Variants in CRISPLD2 observed in about 807,000 individuals in gnomAD.
The protein encoded by CRISPLD2 is cysteine-rich secretory protein LCCL domain-containing 2.
Under a neutral mutation model 71.1 loss-of-function variants are expected in CRISPLD2, and 47 were observed. The ratio of observed to expected loss-of-function variants is 0.66; its 90% CI spans 0.52 to 0.84. The LOEUF (loss-of-function observed/expected upper bound fraction) is 0.84. Among genes scored for constraint, CRISPLD2 ranks in the 40% least tolerant of loss-of-function variants. CRISPLD2 has a pLI of 0.00. For missense variants in CRISPLD2, 830 were observed against 651.1 expected, an observed-to-expected ratio of 1.27 and a Z score of -2.99; for synonymous variants, 317 against 250.1, an observed-to-expected ratio of 1.27 and a Z score of -2.52.
intron 5 of CRISPLD2, among the ~76,000 whole-genome samples, chr16:84,854,321 C>T (rs1917172619): frequency 6.6e-6 from 1 of 152,118 alleles, no homozygotes; most frequent in Admixed American, 6.5e-5. Flanking sequence ...GAAACGCAAG[C>T]CGTCTCTGGG....
In CRISPLD2 at chr16:84,901,793, T is replaced by G. The variant is rs1295132253; in HGVS notation, c.1440-4795T>G. On this transcript the variant is annotated intron_variant, in intron 14 of 14. Transcript: ENST00000262424. ...GCACCTGGCACTGGTTGCACTTTTT[T>G]TTTTTTTTTTTTTTTTTTGATGCAG... 3.0e-5 allele frequency among the ~76,000 whole-genome samples: 4 copies of G among 134,644 alleles called. No homozygotes were observed. The East Asian group carries it at 8.8e-4, about 30-fold the overall frequency. 88.3% of individuals were successfully genotyped at this position (134,644 alleles called of 152,430 possible). A position where few individuals can be genotyped will look rare whatever the true frequency, so the allele number is the denominator to read the frequency against.
intron 3 of CRISPLD2, 84 bp downstream of exon 3, chr16:84,845,988 T>A: frequency 1.2e-6 from 1 of 845,288 alleles, no homozygotes. Context: ...TTATCAAGTT[T>A]AGCCTGCAAA....
Position 84,854,855 on chromosome 16 carries a change from T to A in CRISPLD2, c.709+26T>A, listed in dbSNP as rs193254896. ...GTAGGAAATTTACTCCCAACACTTTTGCAATGAATTTGCCCTCAGTCTGAG... is the reference window on the plus strand; with the variant it reads ...GTAGGAAATTTACTCCCAACACTTTAGCAATGAATTTGCCCTCAGTCTGAG... On this transcript the variant is annotated intron_variant, in intron 6 of 14. Coordinates refer to ENST00000262424, the MANE Select transcript of CRISPLD2 (RefSeq NM_031476.4). The A allele has an allele frequency of 2.2e-5, 34 of 1,566,530 alleles. No homozygotes were observed. In the East Asian group the frequency reaches 7.6e-4, roughly 35 times the overall value.
intron 11 of CRISPLD2, among the ~76,000 whole-genome samples, chr16:84,874,232 A>G (rs756144601): frequency 2.6e-5 from 4 of 152,194 alleles, no homozygotes; most frequent in African/African-American, 9.7e-5. Context: ...CTGGGGCTAA[A>G]GTGGCTGAGA....
chr16:84,833,258 A>T (rs905243367), intron 1 of CRISPLD2, among the ~76,000 whole-genome samples: 1 of 152,054 alleles, frequency 6.6e-6, no homozygotes, highest in African/African-American at 2.4e-5. Context: ...CTGGGACCTG[A>T]AAGCTCTGTC....
At chr16:84,875,288 A>G (rs1373125912) in intron 11 of CRISPLD2, among the ~76,000 whole-genome samples, 1 of 145,666 alleles carries the variant, frequency 6.9e-6, no homozygotes, top group Non-Finnish European at 1.5e-5. Flanking sequence ...TGTCAGGAAT[A>G]TATTTCTGTG....
chr16:84,893,907 C>T (rs940499554), intron 14 of CRISPLD2, among the ~76,000 whole-genome samples: 3 of 152,142 alleles, frequency 2.0e-5, no homozygotes, highest in Non-Finnish European at 4.4e-5. Flanking sequence ...AAGCCCTTGG[C>T]GAGGGGGCGG....
chr16:84,860,038 G>C (rs896714618), intron 6 of CRISPLD2, among the ~76,000 whole-genome samples: 1 of 151,780 alleles, frequency 6.6e-6, no homozygotes, highest in African/African-American at 2.4e-5. Context: ...GGAATGAGTA[G>C]GTCCAAAATG....
At chr16:84,880,267 T>G (rs1382203201) in intron 12 of CRISPLD2, among the ~76,000 whole-genome samples, 1 of 152,220 alleles carries the variant, frequency 6.6e-6, no homozygotes, top group Non-Finnish European at 1.5e-5. Context: ...GTGCATGTCT[T>G]TTGTGGATGT....
intron 8 of CRISPLD2, 71 bp downstream of exon 8, chr16:84,868,982 C>A (rs915510587): frequency 2.2e-5 from 30 of 1,354,310 alleles, no homozygotes; most frequent in Non-Finnish European, 2.8e-5. Flanking sequence ...CCACTGTGGC[C>A]TCTGGGCCTA....
chr16:84,850,733 C>A, intron 5 of CRISPLD2, 50 bp downstream of exon 5: 1 of 1,454,448 alleles, frequency 6.9e-7, no homozygotes, highest in Admixed American at 1.7e-5. Context: ...GATGTGTTTG[C>A]TTGCCAGGGA....
intron 14 of CRISPLD2, among the ~76,000 whole-genome samples, chr16:84,899,407 T>G (rs2071733772): frequency 6.6e-6 from 1 of 152,174 alleles, no homozygotes; most frequent in Non-Finnish European, 1.5e-5. Context: ...TATTTTATAA[T>G]TATCAAGCCA....
chr16:84,905,936 C>T (rs937194920), intron 14 of CRISPLD2, among the ~76,000 whole-genome samples: 2 of 152,064 alleles, frequency 1.3e-5, no homozygotes, highest in African/African-American at 4.8e-5. Context: ...TCTCGAACTC[C>T]TGACCTCAGG....
intron 4 of CRISPLD2, among the ~76,000 whole-genome samples, chr16:84,850,044 A>G (rs1398850881): frequency 6.6e-6 from 1 of 151,292 alleles, no homozygotes; most frequent in African/African-American, 2.4e-5. Context: ...TTCTATGGCA[A>G]TTTGACATTG....
At chr16:84,877,532 A>G (rs941689524) in intron 12 of CRISPLD2, 22 bp downstream of exon 12, 1 of 1,611,570 alleles carries the variant, frequency 6.2e-7, no homozygotes, top group Admixed American at 1.7e-5. Flanking sequence ...CTGATCTGTC[A>G]TCTTTTCTAT....
chr16:84,867,019 A>T lies in CRISPLD2; in HGVS notation c.832A>T (p.Thr278Ser). The T allele has an allele frequency of 1.2e-6, 2 of 1,613,506 alleles. No individual in the cohort carries two copies. Among genetic ancestry groups the T allele is most frequent in the Non-Finnish European group, 1.7e-6 (2 of 1,179,850 alleles). Residue 278 changes from threonine (T) to serine (S), a missense_variant, in exon 7 of 15, where the codon ACC becomes TCC. Transcript: ENST00000262424. ...GATGAGACCCACCAAGCCCAAGAAA[A>T]CCTCTGCGGTCAACTACATGAGTGA... is the stretch of plus-strand genomic sequence containing the variant. ...RVMRPTKPKK[T>S]SAVNYMTQVV...
chr16:84,863,529 T>A (rs1415666469), intron 6 of CRISPLD2, among the ~76,000 whole-genome samples: 3 of 152,178 alleles, frequency 2.0e-5, no homozygotes, highest in Admixed American at 2.0e-4. Context: ...GGCGCAGGCT[T>A]TGGGGAAAGG....
At chr16:84,887,194 T>G (rs1338507316) in intron 13 of CRISPLD2, among the ~76,000 whole-genome samples, 1 of 152,178 alleles carries the variant, frequency 6.6e-6, no homozygotes, top group Non-Finnish European at 1.5e-5. Flanking sequence ...AGAGGTGACA[T>G]AGCCCAGCCC....
chr16:84,889,462 A>G, intron 14 of CRISPLD2, 99 bp downstream of exon 14: 3 of 1,296,264 alleles, frequency 2.3e-6, no homozygotes, highest in Non-Finnish European at 3.1e-6. Context: ...CTTTAAAATA[A>G]AACTCGGGTA....
Sources: allele counts gnomAD v4.1 joint callset (sites outside exome capture counted in the v4.1 genomes callset), GRCh38; gene constraint gnomAD v4.1.1; transcripts MANE v1.5; gene names NCBI Gene and HGNC (gene_info 2026-07-23, HGNC 2026-07-21).